Variants in NUBPL observed in about 807,000 individuals in gnomAD.
The protein encoded by NUBPL is NUBP iron-sulfur cluster assembly factor, mitochondrial, also known as iron-sulfur cluster transfer protein NUBPL.
Under a neutral mutation model 45.7 loss-of-function variants are expected in NUBPL, and 31 were observed. That is an observed-to-expected ratio of 0.68 (90% CI 0.51 to 0.92). NUBPL has a LOEUF of 0.92. Among genes scored for constraint, NUBPL ranks in the 40% least tolerant of loss-of-function variants. The pLI is 0.00. For synonymous variants in NUBPL, 144 were observed against 140.9 expected (o/e 1.02, Z -0.15); for missense variants, 401 against 398.7 (o/e 1.01, Z -0.05).
chr14:31,605,413 T>C (rs1761998215), intron 4 of NUBPL, among the ~76,000 whole-genome samples: 1 of 152,222 alleles, frequency 6.6e-6, no homozygotes, highest in Non-Finnish European at 1.5e-5. Flanking sequence ...TTTCAAGACC[T>C]GTGGAGAGAG....
intron 8 of NUBPL, among the ~76,000 whole-genome samples, chr14:31,842,845 A>G (rs1380641616): frequency 6.6e-6 from 1 of 152,174 alleles, no homozygotes; most frequent in Non-Finnish European, 1.5e-5. Context: ...TTGTATATGT[A>G]GTATACATAT....
Position 31,787,851 on chromosome 14 carries a change from C to A in NUBPL, c.585C>A (p.Val195=). ...PPGTGDVQLS[V]SQNIPITGAV... ...GAACTGGAGATGTGCAGTTATCAGT[C>A]TCACAGAATATTCCTATAACAGGTA... is the stretch of plus-strand genomic sequence containing the variant. The change falls in exon 7 of 11, where the codon GTC becomes GTA. Residue 195 remains valine, a synonymous_variant. Coordinates refer to ENST00000281081, the MANE Select transcript of NUBPL (RefSeq NM_025152.3). The A allele has an allele frequency of 6.2e-7, 1 of 1,610,994 alleles. No individual in the cohort carries two copies. Among genetic ancestry groups the A allele is most frequent in the Non-Finnish European group, 8.5e-7 (1 of 1,177,328 alleles).
Position 31,733,819 on chromosome 14 carries a change from G to C in NUBPL, c.514-53961G>C, listed in dbSNP as rs552932412. Among the ~76,000 whole-genome samples the C allele has an allele frequency of 7.9e-5, 12 of 152,266 alleles. No homozygotes were observed. The East Asian group carries it at 1.4e-3, about 17-fold the overall frequency. The stretch of plus-strand genomic sequence containing the variant: ...TTCAGTACTATGTAGAGTAGAAGTG[G>C]TGAGAATGTATTTACTCGTCTTGTA... On this transcript the variant is annotated intron_variant, in intron 6 of 10. Coordinates refer to ENST00000281081, the MANE Select transcript of NUBPL (RefSeq NM_025152.3).
chr14:31,654,280 T>C (rs955281633), intron 4 of NUBPL: 1 of 262,818 alleles, frequency 3.8e-6, no homozygotes. Flanking sequence ...AAAATGCTAA[T>C]GATCATTAGC....
At chr14:31,785,463 C>T (rs765594685) in intron 6 of NUBPL, among the ~76,000 whole-genome samples, 1 of 152,152 alleles carries the variant, frequency 6.6e-6, no homozygotes. Flanking sequence ...ATCTAGGTTG[C>T]ACACTCCTTG....
intron 7 of NUBPL, among the ~76,000 whole-genome samples, chr14:31,821,679 G>C (rs2040020891): frequency 6.6e-6 from 1 of 152,208 alleles, no homozygotes; most frequent in South Asian, 2.1e-4. Context: ...CAGTCCTATT[G>C]CTGGGTATAC....
At chr14:31,834,871 C>T (rs776490454) in intron 8 of NUBPL, among the ~76,000 whole-genome samples, 63 of 152,098 alleles carry the variant, frequency 4.1e-4, no homozygotes, top group African/African-American at 1.3e-3. Flanking sequence ...TTCCAGAGCC[C>T]GTATTCTTAA....
intron 3 of NUBPL, among the ~76,000 whole-genome samples, chr14:31,565,333 T>A (rs1340807412): frequency 6.6e-6 from 1 of 152,194 alleles, no homozygotes; most frequent in Non-Finnish European, 1.5e-5. Context: ...AGCATTATTC[T>A]GGGTTCAGTT....
intron 3 of NUBPL, among the ~76,000 whole-genome samples, chr14:31,567,977 C>G (rs546208804): frequency 5.3e-5 from 8 of 152,154 alleles, no homozygotes; most frequent in African/African-American, 1.9e-4. Context: ...CTTTTGTTTT[C>G]TAGTGTGGTT....
chr14:31,663,108 G>GT (rs1412203094), intron 4 of NUBPL, among the ~76,000 whole-genome samples: 1 of 152,010 alleles, frequency 6.6e-6, no homozygotes, highest in Non-Finnish European at 1.5e-5. Flanking sequence ...TTGTAAATTT[G>GT]TTTAAGTTCC....
intron 3 of NUBPL, among the ~76,000 whole-genome samples, chr14:31,577,567 C>T (rs2033748710): frequency 6.6e-6 from 1 of 152,212 alleles, no homozygotes; most frequent in African/African-American, 2.4e-5. Flanking sequence ...GTGCCAGCCA[C>T]CACGCCCAGC....
chr14:31,571,702 G>A (rs1388797071), intron 3 of NUBPL, among the ~76,000 whole-genome samples: 3 of 152,028 alleles, frequency 2.0e-5, no homozygotes, highest in East Asian at 1.9e-4. Context: ...TGCCCACCTC[G>A]GCCTCCCAAA....
At chr14:31,565,701 C>G (rs532618947) in intron 3 of NUBPL, among the ~76,000 whole-genome samples, 1 of 151,962 alleles carries the variant, frequency 6.6e-6, no homozygotes, top group African/African-American at 2.4e-5. Flanking sequence ...CTAAACGATG[C>G]TATGGTGGAG....
In NUBPL at chr14:31,569,961, G is replaced by A. The variant is rs1595291889; in HGVS notation, c.291+4913G>A. ...CAAAAATTTGATGCACAGTTTGGAA[G>A]AGCACTGAGACTGGGAGAGGGAAAC... On this transcript the variant is annotated intron_variant, in intron 3 of 10. Transcript: ENST00000281081. Among the ~76,000 whole-genome samples the A allele has an allele frequency of 2.6e-5, 4 of 152,256 alleles. 1 individual carries two copies. The South Asian group carries it at 8.3e-4, about 32-fold the overall frequency.
intron 7 of NUBPL, among the ~76,000 whole-genome samples, chr14:31,789,753 A>C (rs1038444625): frequency 1.3e-5 from 2 of 152,168 alleles, no homozygotes; most frequent in African/African-American, 4.8e-5. Flanking sequence ...ATATCAGTAT[A>C]GCCTCATTAA....
At chr14:31,693,765 C>T (rs1595503174) in intron 6 of NUBPL, among the ~76,000 whole-genome samples, 1 of 125,768 alleles carries the variant, frequency 8.0e-6, no homozygotes. Context: ...TTCAGTTGGA[C>T]AGGGCGGTAG....
In NUBPL at chr14:31,814,075, T is replaced by C. The variant is rs2039868590; in HGVS notation, c.608-12554T>C. On this transcript the variant is annotated intron_variant, in intron 7 of 10. Coordinates refer to ENST00000281081, the MANE Select transcript of NUBPL (RefSeq NM_025152.3). ...AGCAATGGGATTGCTGGGTCAATGG[T>C]ATTTCTGGTTCTAGATCCTTGAGGA... is the stretch of plus-strand genomic sequence containing the variant. 5.3e-5 allele frequency among the ~76,000 whole-genome samples: 8 copies of C among 152,136 alleles called. No individual in the cohort carries two copies. The South Asian group carries it at 1.7e-3, about 32-fold the overall frequency.
At chr14:31,785,202 A>G (rs2039262675) in intron 6 of NUBPL, among the ~76,000 whole-genome samples, 1 of 152,184 alleles carries the variant, frequency 6.6e-6, no homozygotes, top group Admixed American at 6.5e-5. Context: ...AAATTTGGTA[A>G]TTGAAGAGAT....
chr14:31,576,104 A>C (rs2033710098), intron 3 of NUBPL, among the ~76,000 whole-genome samples: 1 of 152,206 alleles, frequency 6.6e-6, no homozygotes, highest in African/African-American at 2.4e-5. Flanking sequence ...AATACTCATT[A>C]TAATTGTTTA....
Sources: allele counts gnomAD v4.1 joint callset (sites outside exome capture counted in the v4.1 genomes callset), GRCh38; gene constraint gnomAD v4.1.1; transcripts MANE v1.5; gene names NCBI Gene and HGNC (gene_info 2026-07-23, HGNC 2026-07-21).